SYCE2: variants seen among roughly 807,000 people sequenced by gnomAD.
SYCE2 encodes the protein synaptonemal complex central element protein 2.
SYCE2 carries 3 observed loss-of-function variants against 27.9 expected under a neutral mutation model. That is an observed-to-expected ratio of 0.11 (90% CI 0.05 to 0.28). SYCE2 has a LOEUF of 0.28. Among genes scored for constraint, SYCE2 ranks in the 10% least tolerant of loss-of-function variants. SYCE2 has a pLI of 1.00. For synonymous variants in SYCE2, 85 were observed against 100.7 expected, an observed-to-expected ratio of 0.84 and a Z score of 0.93; for missense variants, 207 against 263.5, an observed-to-expected ratio of 0.79 and a Z score of 1.48.
chr19:12,907,196 C>T (rs958800242), intron 2 of SYCE2, among the ~76,000 whole-genome samples: 3 of 152,168 alleles, frequency 2.0e-5, no homozygotes, highest in Admixed American at 6.5e-5. Flanking sequence ...CTCACGACCA[C>T]ACTCGGGTCA....
chr19:12,899,780 G>A (rs1298214468), intron 5 of SYCE2: 1 of 1,601,754 alleles, frequency 6.2e-7, no homozygotes, highest in South Asian at 1.1e-5. Flanking sequence ...GATGAGAGCA[G>A]ACTCCATTTA....
At position 12,918,274 on chromosome 19, in the gene SYCE2, G is replaced by A. The variant is rs1185057042; in HGVS notation, c.79C>T (p.His27Tyr). The change falls in exon 2 of 6, where the codon CAT (histidine) becomes TAT (tyrosine). Residue 27 changes from histidine (H) to tyrosine (Y), a missense_variant. Transcript: ENST00000293695. ...EPQPLGESKE[H>Y]PRWEENCEEE... ...TCGCAGTTCTCTTCCCACCGCGGAT[G>A]CTCCTTGCTCTCCCCCAAGGGCTGC... 7 of 1,614,056 alleles carry A rather than the reference G, an allele frequency of 4.3e-6. No individual in the cohort carries two copies. The highest frequency in any genetic ancestry group is 5.9e-6 in the Non-Finnish European group (7 of 1,180,032).
chr19:12,902,413 G>C (rs930454020), intron 3 of SYCE2, among the ~76,000 whole-genome samples: 1 of 152,102 alleles, frequency 6.6e-6, no homozygotes, highest in Non-Finnish European at 1.5e-5. Context: ...CAAGGCAGCA[G>C]GGTGAGGAGT....
At chr19:12,905,779 A>C (rs1191356999) in intron 2 of SYCE2, among the ~76,000 whole-genome samples, 3 of 152,150 alleles carry the variant, frequency 2.0e-5, no homozygotes, top group African/African-American at 4.8e-5. Flanking sequence ...GTGGGACTAC[A>C]AGCATGTGCT....
rs10425329 is a variant in SYCE2, at chr19:12,910,387, G to A, written c.132-5721C>T. Among the ~76,000 whole-genome samples the A allele has an allele frequency of 2.3e-3, 342 of 150,274 alleles. 1 individual carries two copies. Among genetic ancestry groups the A allele is most frequent in the African/African-American group, 8.1e-3 (326 of 40,034 alleles). ...TTTTGAGACAGACTCTCACTCGGTC[G>A]CTCAGGCTGGAGTGACAGGCTGGAG... is the stretch of plus-strand genomic sequence containing the variant. On this transcript the variant is annotated intron_variant, in intron 2 of 5. Coordinates refer to ENST00000293695, the MANE Select transcript of SYCE2 (RefSeq NM_001105578.2).
chr19:12,911,583 G>C (rs1323509967), intron 2 of SYCE2, among the ~76,000 whole-genome samples: 1 of 147,860 alleles, frequency 6.8e-6, no homozygotes, highest in African/African-American at 2.5e-5. Context: ...GGGATTACAG[G>C]TGCCTACCAA....
chr19:12,913,835 C>T (rs1202213731), intron 2 of SYCE2, among the ~76,000 whole-genome samples: 1 of 152,160 alleles, frequency 6.6e-6, no homozygotes, highest in Non-Finnish European at 1.5e-5. Flanking sequence ...ACCATTGCTT[C>T]CCTTTTTTTT....
At position 12,919,237 on chromosome 19, in the gene SYCE2, G is replaced by T. The variant is rs776552117; in HGVS notation, c.15+6C>A. 1.9e-6 allele frequency: 3 copies of T among 1,611,132 alleles called. No homozygotes were observed. Among genetic ancestry groups the T allele is most frequent in the African/African-American group, 2.7e-5 (2 of 74,934 alleles). ...CACGCGCGAGAAGGAAACAAGCGCCGCGTACTCCCTGTCGCTCCATTCCGT... is the reference window on the plus strand; with the variant it reads ...CACGCGCGAGAAGGAAACAAGCGCCTCGTACTCCCTGTCGCTCCATTCCGT... On this transcript the variant is annotated splice_donor_region_variant and intron_variant, in intron 1 of 5. Transcript: ENST00000293695.
At chr19:12,904,445 C>T (rs1335934660) in intron 3 of SYCE2, 47 bp downstream of exon 3, 2 of 1,609,860 alleles carry the variant, frequency 1.2e-6, no homozygotes, top group Non-Finnish European at 1.7e-6. Flanking sequence ...TCATTCCCTC[C>T]CCTTTTGCAT....
At chr19:12,902,128 T>G (rs1190614714) in intron 3 of SYCE2, among the ~76,000 whole-genome samples, 1 of 152,196 alleles carries the variant, frequency 6.6e-6, no homozygotes, top group Non-Finnish European at 1.5e-5. Context: ...ACATGCTGTG[T>G]GCAGGTTTGT....
rs758307465 is a variant in SYCE2, at chr19:12,904,520, G to A, written c.278C>T (p.Thr93Ile). 1.2e-6 allele frequency: 2 copies of A among 1,614,064 alleles called. No homozygotes were observed. The highest frequency in any genetic ancestry group is 1.7e-6 in the Non-Finnish European group (2 of 1,180,004). ...KSRQKDHALM[T>I]NFRNSLKTKV... ...GGTCTTCAGGCTGTTCCTGAAGTTG[G>A]TCATGAGTGCATGGTCCTTTTGCCG... The change falls in exon 3 of 6, where the codon ACC becomes ATC. Residue 93 changes from threonine (T) to isoleucine (I), a missense_variant. Transcript: ENST00000293695.
In SYCE2 at chr19:12,900,635, G is replaced by C. The variant is rs563626525; in HGVS notation, c.320C>G (p.Thr107Arg). ...ATAGATCCTCTCCTCTAATTTCTCT[G>C]TCAGATCCGAAACCTGTTAAACAAT... ...NSLKTKVSDL[T>R]EKLEERIYQI... Residue 107 changes from threonine (T) to arginine (R), a missense_variant, in exon 4 of 6, where the codon ACA (threonine) becomes AGA (arginine). By Grantham distance (71) the Thr-to-Arg change is moderately conservative. Transcript: ENST00000293695. 2 of 1,613,228 alleles carry C rather than the reference G, an allele frequency of 1.2e-6. No homozygotes were observed. The highest frequency in any genetic ancestry group is 1.7e-6 in the Non-Finnish European group (2 of 1,179,654).
intron 2 of SYCE2, among the ~76,000 whole-genome samples, chr19:12,908,577 G>C (rs368095816): frequency 1.3e-5 from 2 of 152,166 alleles, no homozygotes; most frequent in South Asian, 2.1e-4. Context: ...GCCCACCTCA[G>C]CCTCTCAAAG....
chr19:12,903,408 T>C (rs1970879937), intron 3 of SYCE2, among the ~76,000 whole-genome samples: 2 of 144,542 alleles, frequency 1.4e-5, no homozygotes, highest in South Asian at 4.4e-4. Flanking sequence ...TTTTTTTTTT[T>C]TGAGACGGAG....
chr19:12,914,294 G>C (rs1032852019), intron 2 of SYCE2: 6 of 152,216 alleles, frequency 3.9e-5, no homozygotes, highest in African/African-American at 1.4e-4. Context: ...CTGATTCGTA[G>C]TGTTTGCCAA....
chr19:12,899,399 A>T lies in SYCE2; in HGVS notation c.613-14T>A. On this transcript the variant is annotated splice_polypyrimidine_tract_variant and intron_variant, in intron 5 of 5. Coordinates refer to ENST00000293695, the MANE Select transcript of SYCE2 (RefSeq NM_001105578.2). ...TGAAGCAGTGGCCTGGGGATACATG[A>T]AAATTGATTTTAAAGGGAAGTTGTG... The T allele has an allele frequency of 6.2e-7, 1 of 1,614,092 alleles. No individual in the cohort carries two copies. Among genetic ancestry groups the T allele is most frequent in the South Asian group, 1.1e-5 (1 of 91,074 alleles).
chr19:12,918,402 C>G, intron 1 of SYCE2, 65 bp from the exon 2 acceptor site: 1 of 1,465,758 alleles, frequency 6.8e-7, no homozygotes, highest in Non-Finnish European at 9.5e-7. Flanking sequence ...CGCCCTCCTG[C>G]CGACCCTTCA....
intron 3 of SYCE2, among the ~76,000 whole-genome samples, chr19:12,904,175 C>T (rs1194250491): frequency 6.6e-6 from 1 of 152,226 alleles, no homozygotes; most frequent in Non-Finnish European, 1.5e-5. Flanking sequence ...GCCTGGCTCT[C>T]TCGTCAGGCA....
chr19:12,899,457 A>C lies in SYCE2; in HGVS notation c.613-72T>G. 6.2e-7 allele frequency: 1 copy of C among 1,614,164 alleles called. No homozygotes were observed. The highest frequency in any genetic ancestry group is 8.5e-7 in the Non-Finnish European group (1 of 1,180,016). ...AAAACTCCAAACCGACTCTGTATTA[A>C]TCTTGTCCAGGTACACATGACATTC... On this transcript the variant is annotated intron_variant, in intron 5 of 5. Transcript: ENST00000293695.
Sources: allele counts gnomAD v4.1 joint callset (sites outside exome capture counted in the v4.1 genomes callset), GRCh38; gene constraint gnomAD v4.1.1; transcripts MANE v1.5; gene names NCBI Gene and HGNC (gene_info 2026-07-23, HGNC 2026-07-21).